NEBL: variants seen among roughly 807,000 people sequenced by gnomAD.
NEBL encodes the protein nebulette, also known as LIM and SH3 protein 2.
In NEBL, 122 loss-of-function variants were observed where a neutral mutation model predicts 140.2. The ratio of observed to expected loss-of-function variants is 0.87; its 90% confidence interval spans 0.75 to 1.01. NEBL has a LOEUF of 1.01. Ranked by LOEUF, NEBL falls within the 50% of genes least tolerant of loss-of-function variation. The probability of loss-of-function intolerance (pLI) is 0.00; values close to 1 mark genes in which losing one functional copy is unlikely to be tolerated. For missense variants in NEBL, 1,365 were observed against 1,231.3 expected, an observed-to-expected ratio of 1.11 and a Z score of -1.62; for synonymous variants, 436 against 398.9, an observed-to-expected ratio of 1.09 and a Z score of -1.11.
chr10:20,993,192 T>C (rs2131692244), intron 3 of NEBL, among the ~76,000 whole-genome samples: 1 of 152,272 alleles, frequency 6.6e-6, no homozygotes, highest in South Asian at 2.1e-4. Context: ...TAAATAGGGG[T>C]GTCTAATTCT....
Position 20,801,726 on chromosome 10 carries a change from C to T in NEBL, c.2761+6784G>A, listed in dbSNP as rs1027118451. 3.3e-5 allele frequency among the ~76,000 whole-genome samples: 5 copies of T among 152,034 alleles called. No homozygotes were observed. In the South Asian group the frequency reaches 6.3e-4, roughly 19 times the overall value. On this transcript the variant is annotated intron_variant, in intron 26 of 27. Transcript: ENST00000377122. ...CCAGTAAAACACCAGGGCAATTGGC[C>T]GCACAGTTGATGCACTGCCCTCTTG...
chr10:20,833,931 G>T (rs896683561), intron 14 of NEBL, among the ~76,000 whole-genome samples: 6 of 152,128 alleles, frequency 3.9e-5, no homozygotes, highest in African/African-American at 1.4e-4. Flanking sequence ...GTATGCTGAT[G>T]ACAGGAATCA....
At chr10:21,019,958 G>A (rs1381905454) in intron 3 of NEBL, among the ~76,000 whole-genome samples, 1 of 152,168 alleles carries the variant, frequency 6.6e-6, no homozygotes, top group Non-Finnish European at 1.5e-5. Flanking sequence ...CAGTACAGAT[G>A]TTCAACACTT....
Position 20,924,413 on chromosome 10 carries a change from T to TAAAA in NEBL, c.357+37255_357+37258dup, listed in dbSNP as rs71390800. On this transcript the variant is annotated intron_variant, in intron 4 of 6. Transcript: ENST00000417816. ...CTATAGCTCTCGATCAGGCATGAAG[T>TAAAA]AAAAAAAAAAAAAAAAAAAAAAAAA... Among the ~76,000 whole-genome samples the TAAAA allele has an allele frequency of 2.5e-3, 150 of 59,064 alleles. 4 individuals are homozygous for TAAAA. In the East Asian group the frequency reaches 0.039, roughly 15 times the overall value. The allele number at this position is 59,064 out of a possible 152,430, so 38.7% of individuals were successfully genotyped here.
intron 3 of NEBL, among the ~76,000 whole-genome samples, chr10:21,198,248 G>T (rs1841683130): frequency 6.6e-6 from 1 of 152,126 alleles, no homozygotes; most frequent in Non-Finnish European, 1.5e-5. Context: ...TAGCTCATGA[G>T]AAAACTGATG....
At chr10:20,814,305 T>C (rs921844707) in intron 22 of NEBL, among the ~76,000 whole-genome samples, 4 of 152,096 alleles carry the variant, frequency 2.6e-5, no homozygotes, top group Non-Finnish European at 5.9e-5. Context: ...CTATCTAGTC[T>C]GTAAACCTGC....
chr10:20,869,543 T>C (rs557381024), intron 6 of NEBL, among the ~76,000 whole-genome samples, 197 bp downstream of exon 6: 1 of 152,290 alleles, frequency 6.6e-6, no homozygotes, highest in East Asian at 1.9e-4. Context: ...CACAGCCAAT[T>C]TGAGTTTGGG....
chr10:20,904,741 G>A (rs1052742325), intron 4 of NEBL, among the ~76,000 whole-genome samples: 1 of 152,120 alleles, frequency 6.6e-6, no homozygotes, highest in African/African-American at 2.4e-5. Context: ...AAGCATAAAA[G>A]GCTTCAGTAA....
At chr10:21,156,675 T>C (rs1168102664) in intron 2 of NEBL, among the ~76,000 whole-genome samples, 1 of 152,046 alleles carries the variant, frequency 6.6e-6, no homozygotes, top group African/African-American at 2.4e-5. Flanking sequence ...ACTCTTGAAA[T>C]ACAGATACAA....
At chr10:20,796,898 T>C (rs541225669) in intron 26 of NEBL, among the ~76,000 whole-genome samples, 1 of 152,320 alleles carries the variant, frequency 6.6e-6, no homozygotes, top group South Asian at 2.1e-4. Context: ...TATATGTCTG[T>C]GTGCACATGA....
intron 4 of NEBL, among the ~76,000 whole-genome samples, chr10:20,914,969 A>ATATTTTTTTTTTTTT (rs1848480142): frequency 9.0e-6 from 1 of 111,222 alleles, no homozygotes; most frequent in African/African-American, 3.4e-5. Context: ...AGTGGCTGGG[A>ATATTTTTTTTTTTTT]TTTTTTTTTT....
chr10:21,247,398 A>C (rs1470461349), intron 3 of NEBL, among the ~76,000 whole-genome samples: 2 of 152,216 alleles, frequency 1.3e-5, no homozygotes, highest in Non-Finnish European at 2.9e-5. Context: ...ATTCGCTAGA[A>C]GACAAAACTA....
At chr10:20,856,797 T>C (rs1408964232) in intron 9 of NEBL, among the ~76,000 whole-genome samples, 1 of 152,006 alleles carries the variant, frequency 6.6e-6, no homozygotes. Flanking sequence ...GACCAATGAT[T>C]AAAAAAATAA....
chr10:21,258,341 G>C (rs990276099), intron 1 of NEBL, among the ~76,000 whole-genome samples: 4 of 152,182 alleles, frequency 2.6e-5, no homozygotes, highest in African/African-American at 9.7e-5. Context: ...GGCCAAGGCA[G>C]GTGGATCACT....
intron 1 of NEBL, among the ~76,000 whole-genome samples, chr10:21,285,325 C>T (rs953658265): frequency 3.3e-5 from 5 of 152,150 alleles, no homozygotes; most frequent in East Asian, 1.9e-4. Context: ...CTATTCTATT[C>T]GAAGTCACCC....
In NEBL at chr10:20,839,469, G is replaced by A. The variant is rs188093204; in HGVS notation, c.1338+1270C>T. On this transcript the variant is annotated intron_variant, in intron 13 of 27. Transcript: ENST00000377122. Reference sequence around the variant, plus strand: ...GCAAAAAGCTCCATGATTTCCTTTTGGGAAATGACCTCTAAGTTCTCTCAA... The same window carrying A: ...GCAAAAAGCTCCATGATTTCCTTTTAGGAAATGACCTCTAAGTTCTCTCAA... Among the ~76,000 whole-genome samples the A allele has an allele frequency of 1.4e-3, 213 of 152,092 alleles. 1 individual carries two copies. Among genetic ancestry groups the A allele is most frequent in the African/African-American group, 4.8e-3 (199 of 41,458 alleles).
At chr10:21,124,696 G>T (rs1589258477) in intron 2 of NEBL, among the ~76,000 whole-genome samples, 2 of 152,210 alleles carry the variant, frequency 1.3e-5, no homozygotes, top group Admixed American at 1.3e-4. Context: ...GTCATAGCTG[G>T]AATCGCAGCA....
At chr10:21,166,312 A>C (rs1013724382) in intron 2 of NEBL, among the ~76,000 whole-genome samples, 1 of 151,922 alleles carries the variant, frequency 6.6e-6, no homozygotes, top group African/African-American at 2.4e-5. Context: ...CTGAAAAAAA[A>C]GTTTGCCGAA....
chr10:21,022,979 C>T (rs941009023), intron 2 of NEBL, among the ~76,000 whole-genome samples: 56 of 152,196 alleles, frequency 3.7e-4, no homozygotes, highest in African/African-American at 1.3e-3. Context: ...CCAGGGGCTA[C>T]TTCTGAACTA....
Sources: allele counts gnomAD v4.1 joint callset (sites outside exome capture counted in the v4.1 genomes callset), GRCh38; gene constraint gnomAD v4.1.1; transcripts MANE v1.5; gene names NCBI Gene and HGNC (gene_info 2026-07-23, HGNC 2026-07-21).